Variants in DLGAP2 observed in about 807,000 individuals in gnomAD.
DLGAP2 encodes the protein disks large-associated protein 2.
In DLGAP2, 26 loss-of-function variants were observed where a neutral mutation model predicts 100.3. The ratio of observed to expected loss-of-function variants is 0.26; its 90% CI spans 0.19 to 0.36. DLGAP2 has a LOEUF of 0.36. DLGAP2 is among the 10% of genes least tolerant of loss of function. The pLI, the probability that DLGAP2 is intolerant of heterozygous loss-of-function variation, is 1.00. For missense variants in DLGAP2, 1,858 were observed against 1,453.2 expected (o/e 1.28, Z -4.53); for synonymous variants, 886 against 630.1 (o/e 1.41, Z -6.08).
At chr8:767,761 C>G (rs1306006936) in intron 1 of DLGAP2, among the ~76,000 whole-genome samples, 4 of 152,178 alleles carry the variant, frequency 2.6e-5, no homozygotes, top group African/African-American at 7.2e-5. Context: ...AGGCTGCTAT[C>G]TGCAGCTGCA....
chr8:1,597,917 T>A (rs1036983742), intron 6 of DLGAP2, among the ~76,000 whole-genome samples: 2 of 152,220 alleles, frequency 1.3e-5, no homozygotes, highest in Non-Finnish European at 2.9e-5. Context: ...TGAATAGGAA[T>A]GGTGAGACAG....
intron 1 of DLGAP2, among the ~76,000 whole-genome samples, chr8:858,682 CAT>C (rs1352742259): frequency 1.3e-5 from 2 of 150,820 alleles, no homozygotes; most frequent in Non-Finnish European, 2.9e-5. Context: ...TCTGTGGGGA[CAT>C]GTGTGATGCT....
chr8:1,380,309 G>A (rs1271281487), intron 3 of DLGAP2: 2 of 152,196 alleles, frequency 1.3e-5, no homozygotes, highest in African/African-American at 4.8e-5. Context: ...CTCAGGCTTT[G>A]TTACTTCCTG....
chr8:778,280 C>G (rs1281122087), intron 1 of DLGAP2, among the ~76,000 whole-genome samples: 1 of 152,052 alleles, frequency 6.6e-6, no homozygotes, highest in Non-Finnish European at 1.5e-5. Context: ...ACTTCTTTAC[C>G]TTTGGTTTGC....
chr8:781,969 T>G (rs562893423), intron 1 of DLGAP2, among the ~76,000 whole-genome samples: 18 of 152,030 alleles, frequency 1.2e-4, no homozygotes, highest in Non-Finnish European at 2.1e-4. Context: ...TGGGTAGAAA[T>G]GTACAGTTAA....
In DLGAP2 at chr8:1,286,718, C is replaced by A. The variant is rs370065398; in HGVS notation, c.106+27835C>A. Among the ~76,000 whole-genome samples the A allele has an allele frequency of 2.6e-5, 4 of 152,326 alleles. No individual in the cohort carries two copies. The East Asian group carries it at 5.8e-4, about 22-fold the overall frequency. On this transcript the variant is annotated intron_variant, in intron 3 of 14. Transcript: ENST00000637795. ...ATCTCCAAGGCATTAAGCAGAGCAA[C>A]TGGAGTGTTAATCCACACTTATCTT...
At chr8:1,061,090 T>C (rs529599118) in intron 2 of DLGAP2, among the ~76,000 whole-genome samples, 1 of 152,338 alleles carries the variant, frequency 6.6e-6, no homozygotes, top group African/African-American at 2.4e-5. Flanking sequence ...CTTTCCAGCA[T>C]GAAGAACCCA....
chr8:832,811 T>C (rs527854697), intron 1 of DLGAP2, among the ~76,000 whole-genome samples: 1 of 152,302 alleles, frequency 6.6e-6, no homozygotes, highest in South Asian at 2.1e-4. Flanking sequence ...GTGCTCAGCC[T>C]TGGGTGGGAG....
At chr8:1,610,310 G>A (rs1254779824) in intron 6 of DLGAP2, among the ~76,000 whole-genome samples, 1 of 151,886 alleles carries the variant, frequency 6.6e-6, no homozygotes, top group African/African-American at 2.4e-5. Context: ...ACGAAATGAA[G>A]GCAGAAATAA....
intron 8 of DLGAP2, among the ~76,000 whole-genome samples, chr8:1,662,880 CG>C (rs1798443679): frequency 1.8e-5 from 2 of 109,798 alleles, no homozygotes; most frequent in African/African-American, 7.3e-5. Flanking sequence ...GGGGTGTGTG[CG>C]CGTGTGTACA....
Position 1,238,490 on chromosome 8 carries a change from C to T in DLGAP2, c.74-20361C>T, listed in dbSNP as rs181696817. Among the ~76,000 whole-genome samples, 5 of 141,134 alleles carry T rather than the reference C, an allele frequency of 3.5e-5. No homozygotes were observed. The East Asian group carries it at 1.0e-3, about 29-fold the overall frequency. 92.6% of individuals were successfully genotyped at this position (141,134 alleles called of 152,430 possible). On this transcript the variant is annotated intron_variant, in intron 2 of 14. Transcript: ENST00000637795. Reference sequence around the variant, plus strand: ...CTCACATGGCACCATGTCTGCTTCTCTCACATGGCGCCGTGTCTAGTTCTC... The same window carrying T: ...CTCACATGGCACCATGTCTGCTTCTTTCACATGGCGCCGTGTCTAGTTCTC...
At chr8:1,585,635 G>A (rs1221581288) in intron 6 of DLGAP2, among the ~76,000 whole-genome samples, 5 of 152,166 alleles carry the variant, frequency 3.3e-5, no homozygotes, top group African/African-American at 9.7e-5. Context: ...ATGCAGCTTA[G>A]CGAGCTCACC....
intron 8 of DLGAP2, among the ~76,000 whole-genome samples, chr8:1,649,738 G>C (rs1425360047): frequency 6.6e-6 from 1 of 152,154 alleles, no homozygotes; most frequent in East Asian, 1.9e-4. Context: ...CCTAACATAG[G>C]TATTAAGATA....
chr8:1,646,878 T>C (rs1798051654), intron 8 of DLGAP2, among the ~76,000 whole-genome samples: 1 of 152,156 alleles, frequency 6.6e-6, no homozygotes, highest in Non-Finnish European at 1.5e-5. Flanking sequence ...CGTCGAAAAC[T>C]TTTGTCCCTT....
At chr8:1,515,722 A>G (rs1353127745) in intron 4 of DLGAP2, among the ~76,000 whole-genome samples, 1 of 152,198 alleles carries the variant, frequency 6.6e-6, no homozygotes, top group Non-Finnish European at 1.5e-5. Context: ...ACACATGCAC[A>G]GATAGGCACA....
intron 2 of DLGAP2, among the ~76,000 whole-genome samples, chr8:1,251,462 A>G (rs182106882): frequency 6.6e-6 from 1 of 152,212 alleles, no homozygotes; most frequent in African/African-American, 2.4e-5. Context: ...TTTTTGAGAC[A>G]GGGTCTCTGT....
intron 12 of DLGAP2, among the ~76,000 whole-genome samples, chr8:1,683,140 G>A (rs1267557350): frequency 6.6e-6 from 1 of 151,610 alleles, no homozygotes; most frequent in Non-Finnish European, 1.5e-5. Context: ...AGTGGAAACT[G>A]TTGAGTGTCA....
chr8:1,030,278 T>C (rs757374941), intron 2 of DLGAP2, among the ~76,000 whole-genome samples: 5 of 152,222 alleles, frequency 3.3e-5, no homozygotes, highest in Non-Finnish European at 5.9e-5. Context: ...CTGGAGTTTA[T>C]TCTCAAGACT....
intron 2 of DLGAP2, among the ~76,000 whole-genome samples, chr8:1,047,266 C>G (rs1802542044): frequency 6.6e-6 from 1 of 152,216 alleles, no homozygotes; most frequent in Non-Finnish European, 1.5e-5. Context: ...TGGTTTCTTT[C>G]ACTTAGCAAG....
Sources: gnomAD v4.1 joint callset for allele counts (sites outside exome capture counted in the v4.1 genomes callset) on GRCh38, gnomAD v4.1.1 for gene constraint, MANE v1.5 for transcripts, NCBI Gene and HGNC (gene_info 2026-07-23, HGNC 2026-07-21) for gene names.